GRK5: variants seen among roughly 807,000 people sequenced by gnomAD.
GRK5 encodes G protein-coupled receptor kinase 5.
In GRK5, 40 loss-of-function variants were observed where a neutral mutation model predicts 78.4. The ratio of observed to expected loss-of-function variants is 0.51; its 90% CI spans 0.40 to 0.66. The LOEUF (loss-of-function observed/expected upper bound fraction) is 0.66, where lower values mean the gene tolerates loss of function less well. GRK5 is among the 30% of genes least tolerant of loss of function. The pLI is 0.00. For missense variants in GRK5, 598 were observed against 759.9 expected (o/e 0.79, Z 2.50); for synonymous variants, 289 against 296.8 (o/e 0.97, Z 0.27).
intron 1 of GRK5, among the ~76,000 whole-genome samples, chr10:119,214,272 G>A (rs1848534400): frequency 1.3e-5 from 2 of 152,214 alleles, no homozygotes; most frequent in South Asian, 2.1e-4. Context: ...ACTGCACTCA[G>A]TCTCTTTTGA....
At chr10:119,319,652 C>G (rs1380375616) in intron 1 of GRK5, among the ~76,000 whole-genome samples, 5 of 152,370 alleles carry the variant, frequency 3.3e-5, no homozygotes, top group Admixed American at 3.3e-4. Context: ...GCAGAGGATC[C>G]TTTGGGAAAG....
intron 2 of GRK5, among the ~76,000 whole-genome samples, chr10:119,362,292 G>A (rs192907451): frequency 1.2e-4 from 19 of 152,330 alleles, no homozygotes; most frequent in Admixed American, 1.2e-3. Context: ...TGCTGGCATG[G>A]CCAGTTTAGG....
At chr10:119,383,088 A>AT (rs1466553410) in intron 3 of GRK5, among the ~76,000 whole-genome samples, 5 of 151,970 alleles carry the variant, frequency 3.3e-5, no homozygotes, top group Admixed American at 6.6e-5. Context: ...CACCCGGCTA[A>AT]TTTTTTGTAT....
intron 1 of GRK5, among the ~76,000 whole-genome samples, chr10:119,228,001 G>T (rs1435092633): frequency 6.6e-6 from 1 of 152,146 alleles, no homozygotes; most frequent in African/African-American, 2.4e-5. Flanking sequence ...CGTGCAGGAA[G>T]TTGTTCAGTA....
At chr10:119,415,081 CAAAAA>C (rs762165768) in intron 4 of GRK5, among the ~76,000 whole-genome samples, 7 of 75,728 alleles carry the variant, frequency 9.2e-5, no homozygotes, top group Non-Finnish European at 1.3e-4. Flanking sequence ...GACTCTGTCT[CAAAAA>C]AAAAAAAAAA....
rs200535923 is a variant in GRK5 at position 119,420,103 on chromosome 10, A to G, written c.340-3063A>G. On this transcript the variant is annotated intron_variant, in intron 4 of 15. Transcript: ENST00000392870. ...CACTTACTGGCTGAGTGACCCTGAG[A>G]AAATTGCTTAACCTTTCTGGACCTC... Among the ~76,000 whole-genome samples, 10 of 152,330 alleles carry G rather than the reference A, an allele frequency of 6.6e-5. No homozygotes were observed. The East Asian group carries it at 1.7e-3, about 26-fold the overall frequency.
At chr10:119,261,031 G>GA (rs1849378824) in intron 1 of GRK5, among the ~76,000 whole-genome samples, 2 of 144,218 alleles carry the variant, frequency 1.4e-5, no homozygotes, top group African/African-American at 2.5e-5. Context: ...GGCCGGGCAG[G>GA]GGGCTGACCC....
At chr10:119,299,432 C>CAA (rs35231977) in intron 1 of GRK5, among the ~76,000 whole-genome samples, 65 of 124,054 alleles carry the variant, frequency 5.2e-4, no homozygotes, top group East Asian at 1.5e-3. Flanking sequence ...GACTCCAGCT[C>CAA]AAAAAAAAAA....
At chr10:119,261,717 C>G (rs923734879) in intron 1 of GRK5, among the ~76,000 whole-genome samples, 18 of 152,234 alleles carry the variant, frequency 1.2e-4, no homozygotes, top group Admixed American at 3.9e-4. Context: ...GCCAACACAG[C>G]GAAACCCCGT....
intron 12 of GRK5, among the ~76,000 whole-genome samples, chr10:119,444,948 G>C (rs576522068): frequency 6.6e-6 from 1 of 152,236 alleles, no homozygotes; most frequent in African/African-American, 2.4e-5. Flanking sequence ...GGCCCCAGGA[G>C]GGTCTGGCTC....
Position 119,380,946 on chromosome 10 carries a change from G to C in GRK5, c.261+19G>C. On this transcript the variant is annotated intron_variant, in intron 3 of 15. Coordinates refer to ENST00000392870, the MANE Select transcript of GRK5 (RefSeq NM_005308.3). Reference sequence around the variant, plus strand: ...CTCCGTGGTAAGTTCCTGCTCCTGAGGGATGGTCCTGTGGTCCTCTGTGAT... The same window carrying C: ...CTCCGTGGTAAGTTCCTGCTCCTGACGGATGGTCCTGTGGTCCTCTGTGAT... 1 of 1,450,122 alleles carries C rather than the reference G, an allele frequency of 6.9e-7. No individual in the cohort carries two copies. The highest frequency in any genetic ancestry group is 9.7e-7 in the Non-Finnish European group (1 of 1,030,870). 89.8% of individuals were successfully genotyped at this position (1,450,122 alleles called of 1,614,324 possible).
intron 1 of GRK5, among the ~76,000 whole-genome samples, chr10:119,306,785 C>T (rs181875783): frequency 1.8e-4 from 27 of 152,196 alleles, no homozygotes; most frequent in Non-Finnish European, 3.5e-4. Context: ...AGCACTTCCC[C>T]TCTTCTCCCT....
chr10:119,388,025 A>T (rs997943779), intron 3 of GRK5, among the ~76,000 whole-genome samples: 1 of 151,812 alleles, frequency 6.6e-6, no homozygotes, highest in African/African-American at 2.4e-5. Flanking sequence ...ATTATAGCTT[A>T]CCGTAGCCTC....
chr10:119,436,946 T>G lies in GRK5; in HGVS notation c.929+105T>G, dbSNP rs1852933065. The G allele has an allele frequency of 2.8e-6, 3 of 1,058,772 alleles. No homozygotes were observed. The South Asian group carries it at 4.9e-5, about 17-fold the overall frequency. The allele number at this position is 1,058,772 out of a possible 1,614,324, so 65.6% of individuals were successfully genotyped here. On this transcript the variant is annotated intron_variant, in intron 9 of 15. Coordinates refer to ENST00000392870, the MANE Select transcript of GRK5 (RefSeq NM_005308.3). ...TTGCCATCGCTCTGGGAATCAGCCC[T>G]GGTCAGCACCAGGGGAGGATGCAGA...
rs138866104 is a variant in GRK5, at chr10:119,388,028, G to A, written c.261+7101G>A. Among the ~76,000 whole-genome samples the A allele has an allele frequency of 1.9e-3, 290 of 151,822 alleles. 1 individual carries two copies. The highest frequency in any genetic ancestry group is 6.6e-3 in the African/African-American group (274 of 41,354). On this transcript the variant is annotated intron_variant, in intron 3 of 15. Transcript: ENST00000392870. ...TGCGGTGGTATGATTATAGCTTACC[G>A]TAGCCTCAAACTCTTAGGCCCAAAG...
chr10:119,254,005 C>T (rs913564367), intron 1 of GRK5, among the ~76,000 whole-genome samples: 3 of 152,172 alleles, frequency 2.0e-5, no homozygotes, highest in Non-Finnish European at 4.4e-5. Context: ...GAAAATATTA[C>T]GCTTTAGTCA....
chr10:119,423,926 G>C (rs536459538), intron 5 of GRK5, among the ~76,000 whole-genome samples: 3 of 152,192 alleles, frequency 2.0e-5, no homozygotes, highest in African/African-American at 7.2e-5. Context: ...GACATCAATT[G>C]AGTACCTACT....
At chr10:119,406,615 T>G (rs764736346) in intron 4 of GRK5, 4 of 313,636 alleles carry the variant, frequency 1.3e-5, no homozygotes, top group Non-Finnish European at 1.9e-5. Context: ...ATTAATCTAG[T>G]GAGCTCAGAC....
chr10:119,343,730 G>A (rs1010191748), intron 2 of GRK5, among the ~76,000 whole-genome samples: 1 of 152,226 alleles, frequency 6.6e-6, no homozygotes, highest in African/African-American at 2.4e-5. Flanking sequence ...TGTCTGAAAG[G>A]TGAGGTCCTT....
Sources: gnomAD v4.1 joint callset for allele counts (sites outside exome capture counted in the v4.1 genomes callset) on GRCh38, gnomAD v4.1.1 for gene constraint, MANE v1.5 for transcripts, NCBI Gene and HGNC (gene_info 2026-07-23, HGNC 2026-07-21) for gene names.